PRKCQ: variants seen among roughly 807,000 people sequenced by gnomAD.
The protein encoded by PRKCQ is protein kinase C theta type.
In PRKCQ, 41 loss-of-function variants were observed where a neutral mutation model predicts 91.2. The observed-to-expected ratio is 0.45, with a 90% CI of 0.35 to 0.58. The LOEUF (loss-of-function observed/expected upper bound fraction) is 0.58, where lower values mean the gene tolerates loss of function less well. Ranked by LOEUF, PRKCQ falls within the 20% of genes least tolerant of loss-of-function variation. PRKCQ has a pLI of 0.00. For missense variants in PRKCQ, 673 were observed against 896.5 expected, an observed-to-expected ratio of 0.75 and a Z score of 3.18; for synonymous variants, 307 against 316.9, an observed-to-expected ratio of 0.97 and a Z score of 0.33.
chr10:6,434,602 T>C (rs533292131), intron 16 of PRKCQ, among the ~76,000 whole-genome samples: 37 of 152,342 alleles, frequency 2.4e-4, no homozygotes, highest in African/African-American at 8.9e-4. Context: ...ATAAAATACC[T>C]GAAGACTTGA....
chr10:6,461,454 T>G (rs945432642), intron 14 of PRKCQ, among the ~76,000 whole-genome samples: 9 of 152,244 alleles, frequency 5.9e-5, no homozygotes, highest in African/African-American at 1.9e-4. Flanking sequence ...ATTAAAAAAT[T>G]ATAAAACAGA....
chr10:6,505,187 C>T (rs1588347904), intron 4 of PRKCQ, among the ~76,000 whole-genome samples: 6 of 152,244 alleles, frequency 3.9e-5, no homozygotes, highest in Admixed American at 2.6e-4. Context: ...CCACCGTGCC[C>T]GGCCAAAGCT....
At chr10:6,505,690 C>T (rs1426578206) in intron 4 of PRKCQ, among the ~76,000 whole-genome samples, 1 of 151,334 alleles carries the variant, frequency 6.6e-6, no homozygotes, top group Admixed American at 6.6e-5. Context: ...GTATCATCCA[C>T]ACTGCAGTGC....
intron 1 of PRKCQ, among the ~76,000 whole-genome samples, chr10:6,520,270 G>A (rs979630327): frequency 2.0e-5 from 3 of 152,070 alleles, no homozygotes; most frequent in Middle Eastern, 3.2e-3. Context: ...GCTGGGTGCC[G>A]CGACGCCCGG....
At chr10:6,442,164 C>G in intron 15 of PRKCQ, 83 bp from the exon 16 acceptor site, 1 of 1,353,318 alleles carries the variant, frequency 7.4e-7, no homozygotes, top group Non-Finnish European at 1.0e-6. Flanking sequence ...CAAGGCCACT[C>G]AGTAAATGGT....
chr10:6,501,740 C>T (rs1837925590), intron 4 of PRKCQ, among the ~76,000 whole-genome samples: 1 of 151,942 alleles, frequency 6.6e-6, no homozygotes, highest in African/African-American at 2.4e-5. Flanking sequence ...AGGAGAATCG[C>T]TTGAACTCGG....
chr10:6,516,958 A>G (rs1344918616), intron 1 of PRKCQ, among the ~76,000 whole-genome samples: 3 of 152,190 alleles, frequency 2.0e-5, no homozygotes, highest in Non-Finnish European at 4.4e-5. Context: ...AGCAATGCAG[A>G]TTAAACGGCC....
At chr10:6,408,900 G>C in the PRKCQ span, among the ~76,000 whole-genome samples, 1 of 152,202 alleles carries the variant, frequency 6.6e-6, no homozygotes, top group Admixed American at 6.5e-5. Context: ...CGCAGAAGTG[G>C]AACGGTGGTC....
intron 3 of PRKCQ, among the ~76,000 whole-genome samples, chr10:6,509,605 C>T (rs1000062107): frequency 1.9e-4 from 29 of 152,306 alleles, no homozygotes; most frequent in East Asian, 3.9e-4. Context: ...GACAGGGTAT[C>T]GCCATGTTGG....
At chr10:6,402,478 CAG>C in the PRKCQ span, among the ~76,000 whole-genome samples, 1,515 of 151,560 alleles carry the variant, frequency 1.0e-2, 36 homozygotes, top group African/African-American at 0.035. Flanking sequence ...AGGACACAGA[CAG>C]AAAAGCCTGA....
At chr10:6,529,534 G>C (rs1212166770) in intron 1 of PRKCQ, among the ~76,000 whole-genome samples, 2 of 152,218 alleles carry the variant, frequency 1.3e-5, no homozygotes, top group Non-Finnish European at 2.9e-5. Context: ...CCTAGACTGA[G>C]AAGGGGATCT....
At chr10:6,499,373 T>C (rs545843360) in intron 4 of PRKCQ, among the ~76,000 whole-genome samples, 1 of 152,208 alleles carries the variant, frequency 6.6e-6, no homozygotes, top group East Asian at 1.9e-4. Flanking sequence ...TTCCAAAGGG[T>C]TGAAAAACTA....
At chr10:6,469,806 G>A (rs1835864141) in intron 12 of PRKCQ, among the ~76,000 whole-genome samples, 1 of 151,994 alleles carries the variant, frequency 6.6e-6, no homozygotes, top group South Asian at 2.1e-4. Flanking sequence ...GAAAACAAAA[G>A]AACATAACAA....
the PRKCQ span, among the ~76,000 whole-genome samples, chr10:6,421,027 G>T: frequency 6.6e-6 from 1 of 151,822 alleles, no homozygotes; most frequent in East Asian, 1.9e-4. This position sits in a 1 kb window ranked among gnomAD's most constrained non-coding sequence, Gnocchi z 4.1. Flanking sequence ...TTTAGACATG[G>T]ACTTTGGAAC....
chr10:6,441,435 C>T (rs1048737062), intron 16 of PRKCQ, among the ~76,000 whole-genome samples: 1 of 150,482 alleles, frequency 6.6e-6, no homozygotes, highest in African/African-American at 2.4e-5. Context: ...AGCTACTGCA[C>T]CCAGCCTAAA....
chr10:6,502,564 T>C (rs1363462831), intron 4 of PRKCQ, among the ~76,000 whole-genome samples: 1 of 152,216 alleles, frequency 6.6e-6, no homozygotes, highest in Non-Finnish European at 1.5e-5. Context: ...AATTTGCAGA[T>C]GCTGGAACAC....
At chr10:6,440,099 C>T (rs373170633) in intron 16 of PRKCQ, among the ~76,000 whole-genome samples, 1 of 152,192 alleles carries the variant, frequency 6.6e-6, no homozygotes, top group South Asian at 2.1e-4. Context: ...GGCTCTCATT[C>T]TCTCTCCTGC....
chr10:6,558,624 G>A (rs766887075), intron 1 of PRKCQ, among the ~76,000 whole-genome samples: 1 of 152,212 alleles, frequency 6.6e-6, no homozygotes, highest in Non-Finnish European at 1.5e-5. Context: ...TCACTCCACA[G>A]AGTCCCTAGG....
At chr10:6,571,955 A>G (rs1219074860) in intron 1 of PRKCQ, among the ~76,000 whole-genome samples, 2 of 152,238 alleles carry the variant, frequency 1.3e-5, no homozygotes, top group African/African-American at 4.8e-5. Flanking sequence ...TCAGAAGCCA[A>G]GAGATCAGGG....
Sources: allele counts gnomAD v4.1 joint callset (sites outside exome capture counted in the v4.1 genomes callset), GRCh38; gene constraint gnomAD v4.1.1; non-coding constraint Gnocchi (gnomAD v3.1); transcripts MANE v1.5; gene names NCBI Gene and HGNC (gene_info 2026-07-23, HGNC 2026-07-21).